NCKAP5: variants seen among roughly 807,000 people sequenced by gnomAD.
The protein encoded by NCKAP5 is nck-associated protein 5.
In NCKAP5, 92 loss-of-function variants were observed where a neutral mutation model predicts 167.0. The observed-to-expected ratio is 0.55, with a 90% CI of 0.47 to 0.66. The LOEUF is 0.66. NCKAP5 is among the 30% of genes least tolerant of loss of function. NCKAP5 has a pLI of 0.00. For missense variants in NCKAP5, 2,378 were observed against 2,315.0 expected, an observed-to-expected ratio of 1.03 and a Z score of -0.56; for synonymous variants, 891 against 877.4, an observed-to-expected ratio of 1.02 and a Z score of -0.27.
At chr2:133,039,181 A>G (rs896660475) in intron 6 of NCKAP5, among the ~76,000 whole-genome samples, 1 of 152,170 alleles carries the variant, frequency 6.6e-6, no homozygotes, top group Non-Finnish European at 1.5e-5. Context: ...ACACAGAGTG[A>G]TGGGTTTTTA....
intron 3 of NCKAP5, among the ~76,000 whole-genome samples, chr2:133,373,816 A>G (rs1685961909): frequency 2.6e-5 from 4 of 152,210 alleles, no homozygotes; most frequent in Admixed American, 2.0e-4. Context: ...AAGGAAATAC[A>G]ACGGAGAAAA....
Position 133,467,808 on chromosome 2 carries a change from G to A in NCKAP5, c.69+49650C>T, listed in dbSNP as rs1160924443. Among the ~76,000 whole-genome samples the A allele has an allele frequency of 2.0e-4, 28 of 138,738 alleles. 2 individuals carry two copies. Among genetic ancestry groups the A allele is most frequent in the Non-Finnish European group, 3.1e-4 (20 of 64,874 alleles). The allele number at this position is 138,738 out of a possible 152,430, so 91.0% of individuals were successfully genotyped here. On this transcript the variant is annotated intron_variant, in intron 3 of 19. Transcript: ENST00000409261. ...CTAGTTTATTTGCGTAGAGGTGTTT[G>A]TAGTATTCTCTGATGGTGGTTTGTA...
At chr2:132,766,765 T>C (rs916112973) in intron 16 of NCKAP5, among the ~76,000 whole-genome samples, 5 of 152,232 alleles carry the variant, frequency 3.3e-5, no homozygotes, top group African/African-American at 9.6e-5. Context: ...CATTCTGGCA[T>C]TGGGCCAGGC....
the NCKAP5 span, among the ~76,000 whole-genome samples, chr2:133,611,034 T>G: frequency 2.6e-5 from 4 of 152,136 alleles, no homozygotes; most frequent in Non-Finnish European, 5.9e-5. Flanking sequence ...TACTTTTTCT[T>G]TTCAGTTCTT....
At chr2:132,883,928 G>T (rs1057195947) in intron 8 of NCKAP5, among the ~76,000 whole-genome samples, 1 of 152,148 alleles carries the variant, frequency 6.6e-6, no homozygotes, top group Non-Finnish European at 1.5e-5. Flanking sequence ...AAACTTAGGA[G>T]AAATGATTGA....
intron 2 of NCKAP5, among the ~76,000 whole-genome samples, chr2:133,547,848 C>G (rs1286334524): frequency 2.7e-5 from 4 of 148,350 alleles, no homozygotes; most frequent in Admixed American, 2.7e-4. Context: ...AACGCAGTTC[C>G]TCACCAGCAA....
At chr2:133,656,717 G>GTGGGATTCTCTCCATTAGT in the NCKAP5 span, among the ~76,000 whole-genome samples, 1 of 152,198 alleles carries the variant, frequency 6.6e-6, no homozygotes, top group Non-Finnish European at 1.5e-5. Flanking sequence ...TGCACCAAGT[G>GTGGGATTCTCTCCATTAGT]TGGGATTCTC....
intron 5 of NCKAP5, among the ~76,000 whole-genome samples, chr2:133,209,071 T>A (rs2086090861): frequency 1.4e-5 from 1 of 70,076 alleles, no homozygotes; most frequent in South Asian, 3.2e-4. Flanking sequence ...TTGCAAAAAA[T>A]TACATTAAAA....
intron 3 of NCKAP5, among the ~76,000 whole-genome samples, chr2:133,402,120 G>A (rs1688141352): frequency 6.6e-6 from 1 of 152,154 alleles, no homozygotes; most frequent in Admixed American, 6.5e-5. Flanking sequence ...ATTTAATCCA[G>A]AGGGTTGGAT....
intron 4 of NCKAP5, among the ~76,000 whole-genome samples, chr2:133,257,487 TTAC>T (rs2088677017): frequency 6.9e-6 from 1 of 145,092 alleles, no homozygotes; most frequent in African/African-American, 2.9e-5. Flanking sequence ...ACTAAGACAC[TTAC>T]GATAACTACT....
intron 6 of NCKAP5, among the ~76,000 whole-genome samples, chr2:133,110,104 T>A (rs1332686202): frequency 6.6e-6 from 1 of 152,180 alleles, no homozygotes; most frequent in African/African-American, 2.4e-5. Flanking sequence ...CCTTGCAGGA[T>A]ATGTCTATAA....
intron 3 of NCKAP5, among the ~76,000 whole-genome samples, chr2:133,329,947 C>T (rs1682717118): frequency 6.6e-6 from 1 of 151,332 alleles, no homozygotes; most frequent in Non-Finnish European, 1.5e-5. Flanking sequence ...CCCTGAACAA[C>T]CTTTTACCGG....
chr2:133,088,095 GTATGATATTCCTACCACTTACTTA>G (rs2081054997), intron 6 of NCKAP5, among the ~76,000 whole-genome samples: 1 of 152,144 alleles, frequency 6.6e-6, no homozygotes, highest in South Asian at 2.1e-4. Flanking sequence ...TCATTTGCTT[GTATGATATTCCTACCACTTACTTA>G]TTTTTCATCT....
chr2:133,499,227 G>C (rs1452286513), intron 3 of NCKAP5, among the ~76,000 whole-genome samples: 1 of 152,202 alleles, frequency 6.6e-6, no homozygotes, highest in Admixed American at 6.5e-5. Flanking sequence ...TTGAGACCCA[G>C]TACCAAATTG....
At chr2:133,386,568 T>C (rs1247839395) in intron 3 of NCKAP5, among the ~76,000 whole-genome samples, 3 of 152,320 alleles carry the variant, frequency 2.0e-5, no homozygotes, top group South Asian at 2.1e-4. Context: ...TTAGGTCTGC[T>C]TGGTGCAGAG....
intron 3 of NCKAP5, among the ~76,000 whole-genome samples, chr2:133,370,107 A>G (rs1685703760): frequency 3.9e-5 from 6 of 152,226 alleles, no homozygotes; most frequent in Admixed American, 1.3e-4. Context: ...CCTATTAGTC[A>G]TGACGGGGGA....
intron 6 of NCKAP5, among the ~76,000 whole-genome samples, chr2:133,112,571 A>G (rs1242552391): frequency 2.6e-5 from 4 of 152,232 alleles, no homozygotes; most frequent in African/African-American, 9.6e-5. Flanking sequence ...TCTCTGGAAC[A>G]TAACAAAAAC....
chr2:133,203,549 A>C (rs1262727282), intron 5 of NCKAP5, among the ~76,000 whole-genome samples: 1 of 152,170 alleles, frequency 6.6e-6, no homozygotes, highest in Non-Finnish European at 1.5e-5. Flanking sequence ...TAATTAAAAA[A>C]AAAGAAAGTT....
intron 3 of NCKAP5, among the ~76,000 whole-genome samples, chr2:133,389,461 T>C (rs1009931626): frequency 7.2e-5 from 11 of 152,232 alleles, no homozygotes; most frequent in Middle Eastern, 3.4e-3. Flanking sequence ...GGATAATGAG[T>C]AGCCTGAGAA....
Sources: gnomAD v4.1 joint callset for allele counts (sites outside exome capture counted in the v4.1 genomes callset) on GRCh38, gnomAD v4.1.1 for gene constraint, MANE v1.5 for transcripts, NCBI Gene and HGNC (gene_info 2026-07-23, HGNC 2026-07-21) for gene names.